TMEM132D: variants seen among roughly 807,000 people sequenced by gnomAD.
TMEM132D encodes the protein mature OL transmembrane protein.
TMEM132D carries 21 observed loss-of-function variants against 62.3 expected under a neutral mutation model. The ratio of observed to expected loss-of-function variants is 0.34; its 90% CI spans 0.24 to 0.49. The LOEUF is 0.49. TMEM132D is among the 20% of genes least tolerant of loss of function. The pLI is 0.99. For synonymous variants in TMEM132D, 621 were observed against 575.6 expected (o/e 1.08, Z -1.13); for missense variants, 1,346 against 1,402.8 (o/e 0.96, Z 0.65).
At chr12:129,576,159 C>T (rs535806147) in intron 2 of TMEM132D, among the ~76,000 whole-genome samples, 1 of 151,956 alleles carries the variant, frequency 6.6e-6, no homozygotes, top group African/African-American at 2.4e-5. Flanking sequence ...ATGCAAGCTC[C>T]GCTTTCTCTT....
chr12:129,260,148 G>T (rs918711874), intron 4 of TMEM132D, among the ~76,000 whole-genome samples: 7 of 152,184 alleles, frequency 4.6e-5, no homozygotes, highest in African/African-American at 1.7e-4. Flanking sequence ...TAAATTTGGG[G>T]GGTTGAGAAG....
At chr12:129,465,703 G>A (rs1593022750) in intron 3 of TMEM132D, among the ~76,000 whole-genome samples, 2 of 152,132 alleles carry the variant, frequency 1.3e-5, no homozygotes. Flanking sequence ...TTTATTTTAT[G>A]AGACAGTCTT....
At chr12:129,338,800 G>A (rs576578185) in intron 3 of TMEM132D, among the ~76,000 whole-genome samples, 1 of 152,296 alleles carries the variant, frequency 6.6e-6, no homozygotes, top group African/African-American at 2.4e-5. Flanking sequence ...ATGTGACAAA[G>A]CTATTGACAT....
intron 3 of TMEM132D, among the ~76,000 whole-genome samples, chr12:129,487,763 C>T (rs1341154206): frequency 4.6e-5 from 7 of 151,388 alleles, no homozygotes; most frequent in Non-Finnish European, 8.8e-5. Context: ...GGTGAAACCC[C>T]GTCTCTACTA....
At chr12:129,693,079 G>T (rs1480352457) in intron 2 of TMEM132D, among the ~76,000 whole-genome samples, 4 of 152,098 alleles carry the variant, frequency 2.6e-5, no homozygotes, top group Non-Finnish European at 5.9e-5. Context: ...GAAGGAAAGA[G>T]AACTTTCTCA....
At chr12:129,531,584 A>G (rs1317164947) in intron 2 of TMEM132D, among the ~76,000 whole-genome samples, 1 of 152,194 alleles carries the variant, frequency 6.6e-6, no homozygotes, top group Non-Finnish European at 1.5e-5. Context: ...AAAAGTAAAG[A>G]CTGAAATAAG....
chr12:129,701,763 A>G (rs1881391566), intron 1 of TMEM132D, among the ~76,000 whole-genome samples: 1 of 152,252 alleles, frequency 6.6e-6, no homozygotes, highest in Non-Finnish European at 1.5e-5. Context: ...AAGCTCCACA[A>G]GTTATGCTGA....
intron 1 of TMEM132D, among the ~76,000 whole-genome samples, chr12:129,826,078 TA>T (rs997970283): frequency 3.3e-5 from 5 of 151,978 alleles, no homozygotes; most frequent in Non-Finnish European, 7.4e-5. Context: ...ATCAAGTTAA[TA>T]AAATAAAAAG....
intron 3 of TMEM132D, among the ~76,000 whole-genome samples, chr12:129,373,795 T>C (rs529873253): frequency 4.6e-5 from 7 of 152,332 alleles, no homozygotes; most frequent in Non-Finnish European, 4.4e-5. Flanking sequence ...ACGTGCATCC[T>C]TAAAAACTCC....
chr12:129,408,596 A>G (rs1010083458), intron 3 of TMEM132D, among the ~76,000 whole-genome samples: 24 of 151,878 alleles, frequency 1.6e-4, no homozygotes, highest in African/African-American at 5.6e-4. Flanking sequence ...ACACAAGGCA[A>G]TTTTTATATA....
chr12:129,508,344 C>T (rs1366698777), intron 3 of TMEM132D, among the ~76,000 whole-genome samples: 2 of 152,092 alleles, frequency 1.3e-5, no homozygotes, highest in African/African-American at 4.8e-5. Flanking sequence ...AAATGTGGTT[C>T]AACAGCAACA....
At chr12:129,693,931 G>A (rs191120254) in intron 2 of TMEM132D, among the ~76,000 whole-genome samples, 50 of 152,190 alleles carry the variant, frequency 3.3e-4, no homozygotes, top group African/African-American at 1.1e-3. Context: ...CTTCCCACCC[G>A]CTCATGAATC....
In TMEM132D at chr12:129,094,493, C is replaced by A. The variant is rs115769913; in HGVS notation, c.1444-9791G>T. On this transcript the variant is annotated intron_variant, in intron 5 of 8. Coordinates refer to ENST00000422113, the MANE Select transcript of TMEM132D (RefSeq NM_133448.3). ...AAAACCACAATGCGATACCATCTTA[C>A]ACCCGTTAGAATGGTGATCATTAAA... 3.6e-3 allele frequency among the ~76,000 whole-genome samples: 552 copies of A among 152,326 alleles called. 1 individual carries two copies. Among genetic ancestry groups the A allele is most frequent in the African/African-American group, 0.012 (516 of 41,566 alleles).
intron 1 of TMEM132D, among the ~76,000 whole-genome samples, chr12:129,894,132 A>C (rs1306428666): frequency 1.3e-5 from 2 of 152,236 alleles, no homozygotes; most frequent in Non-Finnish European, 2.9e-5. Flanking sequence ...GGTTTAATGG[A>C]CTGATAGTTC....
At chr12:129,868,654 T>C (rs1034175404) in intron 1 of TMEM132D, among the ~76,000 whole-genome samples, 2 of 152,186 alleles carry the variant, frequency 1.3e-5, no homozygotes, top group African/African-American at 4.8e-5. Context: ...CATCTGCACA[T>C]TCAGGTGCTT....
chr12:129,424,023 C>G (rs1872404200), intron 3 of TMEM132D, among the ~76,000 whole-genome samples: 1 of 152,142 alleles, frequency 6.6e-6, no homozygotes, highest in Admixed American at 6.5e-5. Flanking sequence ...GTTACCCGTT[C>G]AGCAAAGAAG....
chr12:129,373,658 T>C (rs1303021461), intron 3 of TMEM132D, among the ~76,000 whole-genome samples: 6 of 150,780 alleles, frequency 4.0e-5, no homozygotes, highest in Non-Finnish European at 5.9e-5. Flanking sequence ...CAAAACAAAA[T>C]AAAAAAAACA....
intron 5 of TMEM132D, among the ~76,000 whole-genome samples, chr12:129,095,378 C>T (rs1875078848): frequency 1.8e-5 from 2 of 113,768 alleles, no homozygotes; most frequent in African/African-American, 6.7e-5. Flanking sequence ...GAGACGGAGT[C>T]TCACTCTGTC....
intron 5 of TMEM132D, among the ~76,000 whole-genome samples, chr12:129,185,575 T>C (rs1047072688): frequency 2.0e-5 from 3 of 151,888 alleles, no homozygotes; most frequent in Non-Finnish European, 4.4e-5. Flanking sequence ...TTTTATTATA[T>C]TATTTTATTT....
Sources: gnomAD v4.1 joint callset for allele counts (sites outside exome capture counted in the v4.1 genomes callset) on GRCh38, gnomAD v4.1.1 for gene constraint, MANE v1.5 for transcripts, NCBI Gene and HGNC (gene_info 2026-07-23, HGNC 2026-07-21) for gene names.